THRAP3: variants seen among roughly 807,000 people sequenced by gnomAD.
THRAP3 encodes the protein thyroid hormone receptor associated protein 3.
A neutral mutation model predicts 101.0 loss-of-function variants in THRAP3; 16 were observed. The observed-to-expected ratio is 0.16, with a 90% CI of 0.11 to 0.24. The LOEUF is 0.24. Among genes scored for constraint, THRAP3 ranks in the 10% least tolerant of loss-of-function variants. The pLI is 1.00. For synonymous variants in THRAP3, 407 were observed against 422.6 expected, an observed-to-expected ratio of 0.96 and a Z score of 0.45; for missense variants, 989 against 1,202.7, an observed-to-expected ratio of 0.82 and a Z score of 2.63.
At chr1:36,247,376 G>T (rs1202053704) in intron 1 of THRAP3, among the ~76,000 whole-genome samples, 2 of 152,004 alleles carry the variant, frequency 1.3e-5, no homozygotes, top group Non-Finnish European at 2.9e-5. Flanking sequence ...CCAGGCTGGA[G>T]TGCAGTGGCG....
rs764349981 is a variant in THRAP3 at position 36,286,431 on chromosome 1, A to G, written c.201A>G (p.Val67=). The change falls in exon 4 of 12, where the codon GTA becomes GTG. Residue 67 remains valine (V), a synonymous_variant. Coordinates refer to ENST00000354618, the MANE Select transcript of THRAP3 (RefSeq NM_005119.4). This position sits in a 1 kb window ranked among gnomAD's most constrained non-coding sequence, Gnocchi z 5.5. Reference sequence around the variant, plus strand: ...ACAGAGAAAGAAACCACCCAAGAGTATATCAGAATCGGGATTTCCGAGGTC... The same window carrying G: ...ACAGAGAAAGAAACCACCCAAGAGTGTATCAGAATCGGGATTTCCGAGGTC... The part of the protein sequence containing the change: ...AHNRERNHPR[V]YQNRDFRGHN... 4.3e-6 allele frequency: 7 copies of G among 1,614,078 alleles called. No individual in the cohort carries two copies. The highest frequency in any genetic ancestry group is 1.3e-5 in the African/African-American group (1 of 74,932).
chr1:36,260,327 T>C (rs1010241738), intron 2 of THRAP3, among the ~76,000 whole-genome samples: 1 of 152,166 alleles, frequency 6.6e-6, no homozygotes, highest in African/African-American at 2.4e-5. Context: ...TAGGGCTCTT[T>C]ATGAAAAACA....
chr1:36,288,883 T>C, intron 4 of THRAP3, 177 bp from the exon 5 acceptor site: 1 of 985,386 alleles, frequency 1.0e-6, no homozygotes, highest in African/African-American at 1.7e-5. Context: ...CATAGAACTG[T>C]GAATGGCAGT....
intron 10 of THRAP3, 40 bp from the exon 11 acceptor site, chr1:36,301,513 G>T (rs1403304703): frequency 1.2e-6 from 2 of 1,602,604 alleles, no homozygotes; most frequent in African/African-American, 2.7e-5. Flanking sequence ...CCCATTCCTG[G>T]CATGATCCTT....
chr1:36,250,426 A>T (rs1434969755), intron 1 of THRAP3, among the ~76,000 whole-genome samples: 1 of 151,730 alleles, frequency 6.6e-6, no homozygotes, highest in African/African-American at 2.4e-5. Context: ...GTTGGCCGGG[A>T]TGGTCTGGAT....
chr1:36,278,061 CCTTTTTTTTTT>C (rs1645684161), intron 2 of THRAP3, among the ~76,000 whole-genome samples: 1 of 132,816 alleles, frequency 7.5e-6, no homozygotes. Context: ...GCCCAGCCCC[CCTTTTTTTTTT>C]TTTTTTTTTT....
intron 5 of THRAP3, among the ~76,000 whole-genome samples, chr1:36,290,312 C>T (rs2124610946): frequency 6.6e-6 from 1 of 150,442 alleles, no homozygotes; most frequent in African/African-American, 2.5e-5. Context: ...TCTCCTGCCT[C>T]AGCCTCCCGA....
intron 1 of THRAP3, among the ~76,000 whole-genome samples, chr1:36,251,054 TTAA>T (rs994335731): frequency 1.4e-4 from 22 of 152,116 alleles, no homozygotes; most frequent in African/African-American, 5.3e-4. Flanking sequence ...CTGAATGTTC[TTAA>T]TGTCACTGAA....
At chr1:36,243,409 A>T (rs1045488515) in intron 1 of THRAP3, among the ~76,000 whole-genome samples, 1 of 151,764 alleles carries the variant, frequency 6.6e-6, no homozygotes, top group Admixed American at 6.6e-5. Flanking sequence ...CTTAAGGAGC[A>T]TGCTGCCTTC....
intron 7 of THRAP3, among the ~76,000 whole-genome samples, chr1:36,292,984 T>C (rs1328002350): frequency 1.3e-5 from 2 of 151,964 alleles, no homozygotes; most frequent in Admixed American, 6.6e-5. Flanking sequence ...CTGAAATTAC[T>C]GTGAGTTTCT....
chr1:36,288,922 T>A, intron 4 of THRAP3, 138 bp from the exon 5 acceptor site: 1 of 1,317,718 alleles, frequency 7.6e-7, no homozygotes, highest in Non-Finnish European at 9.7e-7. Context: ...AGTAACCGCC[T>A]AGAAAGTCCT....
chr1:36,258,600 T>C (rs545226267), intron 1 of THRAP3, among the ~76,000 whole-genome samples: 2 of 152,252 alleles, frequency 1.3e-5, no homozygotes, highest in East Asian at 3.9e-4. Context: ...CTCAGCCTCC[T>C]GAGTAGCTGA....
intron 1 of THRAP3, among the ~76,000 whole-genome samples, chr1:36,238,726 G>A (rs1166102278): frequency 6.6e-6 from 1 of 152,030 alleles, no homozygotes; most frequent in Non-Finnish European, 1.5e-5. Flanking sequence ...TTTTTTTGGA[G>A]ACAAGGTCTT....
At chr1:36,227,254 T>C (rs537070435) in intron 1 of THRAP3, among the ~76,000 whole-genome samples, 15 of 152,162 alleles carry the variant, frequency 9.9e-5, no homozygotes, top group Non-Finnish European at 1.9e-4. Flanking sequence ...CTTTAATATG[T>C]ATAGACACAT....
At chr1:36,271,364 C>G (rs922520907) in intron 2 of THRAP3, among the ~76,000 whole-genome samples, 1 of 152,174 alleles carries the variant, frequency 6.6e-6, no homozygotes, top group South Asian at 2.1e-4. Context: ...CTCACTGCAA[C>G]CTCCGCCTCC....
At chr1:36,245,546 A>T (rs1352468863) in intron 1 of THRAP3, among the ~76,000 whole-genome samples, 5 of 151,982 alleles carry the variant, frequency 3.3e-5, no homozygotes, top group Admixed American at 2.0e-4. Flanking sequence ...TGACTGAATG[A>T]TTCTGTTCCA....
chr1:36,251,211 C>T (rs1459443335), intron 1 of THRAP3, among the ~76,000 whole-genome samples: 3 of 152,078 alleles, frequency 2.0e-5, no homozygotes, highest in African/African-American at 7.2e-5. Flanking sequence ...GAAATAGAGG[C>T]TCAAGTGATA....
In THRAP3 at chr1:36,229,682, C is replaced by T. The variant is rs140856299; in HGVS notation, c.-135+5177C>T. 9.3e-3 allele frequency among the ~76,000 whole-genome samples: 1,415 copies of T among 151,968 alleles called. 24 individuals are homozygous for T. Among genetic ancestry groups the T allele is most frequent in the African/African-American group, 0.032 (1,327 of 41,470 alleles). On this transcript the variant is annotated intron_variant, in intron 1 of 11. Coordinates refer to ENST00000354618, the MANE Select transcript of THRAP3 (RefSeq NM_005119.4). ...GTTTGTTTGTTTTGAGATGGAGTTT[C>T]GCTCTTGTTGCCCAGGCTGGAGTGC...
intron 2 of THRAP3, among the ~76,000 whole-genome samples, chr1:36,271,754 C>T (rs748058564): frequency 1.8e-4 from 28 of 151,656 alleles, no homozygotes; most frequent in Non-Finnish European, 2.8e-4. Context: ...CCACCACACC[C>T]GGCTAATTTT....
Sources: allele counts gnomAD v4.1 joint callset (sites outside exome capture counted in the v4.1 genomes callset), GRCh38; gene constraint gnomAD v4.1.1; non-coding constraint Gnocchi (gnomAD v3.1); transcripts MANE v1.5; gene names NCBI Gene and HGNC (gene_info 2026-07-23, HGNC 2026-07-21).